Variants in SLC15A2 observed in about 807,000 individuals in gnomAD.
SLC15A2 encodes the protein kidney H(+)/peptide cotransporter.
Under a neutral mutation model 95.5 loss-of-function variants are expected in SLC15A2, and 77 were observed. The ratio of observed to expected loss-of-function variants is 0.81; its 90% CI spans 0.67 to 0.97. The LOEUF (loss-of-function observed/expected upper bound fraction) is 0.97, where lower values mean the gene tolerates loss of function less well. Ranked by LOEUF, SLC15A2 falls within the 50% of genes least tolerant of loss-of-function variation. The pLI is 0.00. For missense variants in SLC15A2, 893 were observed against 874.4 expected (o/e 1.02, Z -0.27); for synonymous variants, 306 against 306.9 (o/e 1.00, Z 0.03).
chr3:121,923,801 AT>A (rs1710056420), intron 11 of SLC15A2, among the ~76,000 whole-genome samples: 1 of 152,178 alleles, frequency 6.6e-6, no homozygotes, highest in Non-Finnish European at 1.5e-5. Flanking sequence ...AGATTAGTGT[AT>A]TATTTTTCTA....
intron 18 of SLC15A2, 97 bp downstream of exon 18, chr3:121,931,047 C>T: frequency 2.7e-6 from 2 of 752,968 alleles, no homozygotes; most frequent in Non-Finnish European, 4.6e-6. Flanking sequence ...TGCATGTGGT[C>T]TAATTTTGAG....
chr3:121,936,044 G>C (rs565182034), intron 19 of SLC15A2, among the ~76,000 whole-genome samples: 1 of 152,194 alleles, frequency 6.6e-6, no homozygotes, highest in South Asian at 2.1e-4. Flanking sequence ...TTCAGGAGCA[G>C]GTTTTTCAGT....
At chr3:121,909,147 C>G (rs999559250) in intron 3 of SLC15A2, among the ~76,000 whole-genome samples, 1 of 152,074 alleles carries the variant, frequency 6.6e-6, no homozygotes, top group African/African-American at 2.4e-5. Flanking sequence ...ACTGCAACCT[C>G]CACCTCCTGG....
intron 7 of SLC15A2, among the ~76,000 whole-genome samples, chr3:121,919,310 G>A (rs1709960389): frequency 6.6e-6 from 1 of 152,198 alleles, no homozygotes; most frequent in Admixed American, 6.5e-5. Flanking sequence ...AGCTCAGCAA[G>A]TTCCGGGTTC....
intron 19 of SLC15A2, among the ~76,000 whole-genome samples, chr3:121,938,380 A>G (rs947910512): frequency 1.3e-5 from 2 of 152,050 alleles, no homozygotes; most frequent in Non-Finnish European, 2.9e-5. Flanking sequence ...GCCACCTTGC[A>G]TTTGATCTCA....
At chr3:121,928,898 A>C (rs1021423527) in intron 15 of SLC15A2, 84 bp from the exon 16 acceptor site, 2 of 1,447,306 alleles carry the variant, frequency 1.4e-6, no homozygotes. Flanking sequence ...TGATGAGGTC[A>C]CCTACCCTGA....
Position 121,911,684 on chromosome 3 carries a change from A to C in SLC15A2, c.428+18A>C. ...GTACACACGTGAGTAAAATCATGGA[A>C]TCAACTAAACTACTTTTCTCAGACA... On this transcript the variant is annotated intron_variant, in intron 4 of 21. Coordinates refer to ENST00000489711, the MANE Select transcript of SLC15A2 (RefSeq NM_021082.4). 1 of 1,465,910 alleles carries C rather than the reference A, an allele frequency of 6.8e-7. No individual in the cohort carries two copies. The highest frequency in any genetic ancestry group is 1.1e-5 in the South Asian group (1 of 87,732). The allele number at this position is 1,465,910 out of a possible 1,614,324, so 90.8% of individuals were successfully genotyped here. A position where few individuals can be genotyped will look rare whatever the true frequency, so the allele number is the denominator to read the frequency against.
chr3:121,926,071 A>G (rs1710115957), intron 13 of SLC15A2, among the ~76,000 whole-genome samples: 1 of 152,096 alleles, frequency 6.6e-6, no homozygotes, highest in Admixed American at 6.5e-5. Context: ...ATGTGACTCA[A>G]GAACAAGAAG....
Position 121,944,132 on chromosome 3 carries a change from CTGCAATAT to C in SLC15A2, c.*3126_*3133del, listed in dbSNP as rs1710509247. 2 of 152,308 alleles carry C rather than the reference CTGCAATAT, an allele frequency of 1.3e-5. No individual in the cohort carries two copies. The highest frequency in any genetic ancestry group is 2.1e-4 in the South Asian group (1 of 4,832). The allele number at this position is 152,308 out of a possible 1,614,324, so 9.4% of individuals were successfully genotyped here. ...ATATTTGGTCTGTCATTGACTGAAACTGCAATATAGAGTTTTTCTTAACATTTGCATAT... is the reference window on the plus strand; with the variant it reads ...ATATTTGGTCTGTCATTGACTGAAACAGAGTTTTTCTTAACATTTGCATAT... On this transcript the variant is annotated 3_prime_UTR_variant, in exon 22 of 22. Coordinates refer to ENST00000489711, the MANE Select transcript of SLC15A2 (RefSeq NM_021082.4).
intron 6 of SLC15A2, 31 bp from the exon 7 acceptor site, chr3:121,915,585 T>TA (rs777133309): frequency 6.6e-7 from 1 of 1,510,570 alleles, no homozygotes; most frequent in African/African-American, 1.4e-5. Context: ...GACTCAGAGT[T>TA]ACTTTCCTCC....
Position 121,919,226 on chromosome 3 carries a change from C to T in SLC15A2, c.698-2994C>T, listed in dbSNP as rs1709957592. Among the ~76,000 whole-genome samples, 4 of 152,194 alleles carry T rather than the reference C, an allele frequency of 2.6e-5. No individual in the cohort carries two copies. In the South Asian group the frequency reaches 8.3e-4, roughly 31 times the overall value. On this transcript the variant is annotated intron_variant, in intron 7 of 21. Coordinates refer to ENST00000489711, the MANE Select transcript of SLC15A2 (RefSeq NM_021082.4). Reference sequence around the variant, plus strand: ...TCTAGCGAGCGGGAGCGTGTTACGGCTCTTTTATTCCCGCTGCCCATAGCT... The same window carrying T: ...TCTAGCGAGCGGGAGCGTGTTACGGTTCTTTTATTCCCGCTGCCCATAGCT...
intron 3 of SLC15A2, among the ~76,000 whole-genome samples, chr3:121,907,031 T>C (rs1486108422): frequency 2.0e-5 from 3 of 152,246 alleles, no homozygotes; most frequent in African/African-American, 7.2e-5. Context: ...CTATATTTCT[T>C]TGAGGCTTTG....
intron 13 of SLC15A2, among the ~76,000 whole-genome samples, chr3:121,925,726 C>G (rs5852284): frequency 0.52 from 17,434 of 33,792 alleles, 4,618 homozygotes; most frequent in East Asian, 0.78. Context: ...AGGGGCTAGA[C>G]TATATATATA....
rs1710185621 is a variant in SLC15A2, at chr3:121,929,357, G to A, written c.1553+9G>A. 1 of 1,613,368 alleles carries A rather than the reference G, an allele frequency of 6.2e-7. No homozygotes were observed. Among genetic ancestry groups the A allele is most frequent in the African/African-American group, 1.3e-5 (1 of 74,928 alleles). On this transcript the variant is annotated intron_variant, in intron 17 of 21. Coordinates refer to ENST00000489711, the MANE Select transcript of SLC15A2 (RefSeq NM_021082.4). ...GGGATGACAACCGTGAGGTTTGAAT[G>A]TCAATGAGATTCCAGGCCACTCTGT...
At chr3:121,918,581 G>A (rs1416502789) in intron 7 of SLC15A2, among the ~76,000 whole-genome samples, 6 of 152,020 alleles carry the variant, frequency 3.9e-5, no homozygotes, top group African/African-American at 1.2e-4. Flanking sequence ...AAAGTGGGGT[G>A]GGGGGATAGG....
intron 3 of SLC15A2, among the ~76,000 whole-genome samples, chr3:121,906,161 G>C (rs112386719): frequency 1.3e-5 from 2 of 152,100 alleles, no homozygotes; most frequent in Admixed American, 6.5e-5. Context: ...TCAGAGACTA[G>C]GATTGCAACC....
intron 3 of SLC15A2, among the ~76,000 whole-genome samples, chr3:121,897,899 C>G (rs1337022586): frequency 6.6e-6 from 1 of 152,162 alleles, no homozygotes; most frequent in Non-Finnish European, 1.5e-5. Context: ...CGGTGGCTCA[C>G]GCCTGTAATC....
intron 3 of SLC15A2, among the ~76,000 whole-genome samples, chr3:121,904,791 G>A (rs891211659): frequency 6.6e-6 from 1 of 152,196 alleles, no homozygotes; most frequent in Non-Finnish European, 1.5e-5. Flanking sequence ...GTGTTCACCA[G>A]GGATACTGGT....
At chr3:121,933,682 G>T (rs1402493630) in intron 19 of SLC15A2, among the ~76,000 whole-genome samples, 55 of 152,028 alleles carry the variant, frequency 3.6e-4, no homozygotes, top group Admixed American at 2.8e-3. Flanking sequence ...AGATGAGTAG[G>T]TTGCGAAAAT....
Sources: allele counts gnomAD v4.1 joint callset (sites outside exome capture counted in the v4.1 genomes callset), GRCh38; gene constraint gnomAD v4.1.1; transcripts MANE v1.5; gene names NCBI Gene and HGNC (gene_info 2026-07-23, HGNC 2026-07-21).